The following UQCRB variants were observed in gnomAD, a reference collection of about 807,000 sequenced individuals.
The protein encoded by UQCRB is cytochrome b-c1 complex subunit 7.
A neutral mutation model predicts 19.8 loss-of-function variants in UQCRB; 12 were observed. The observed-to-expected ratio is 0.61, with a 90% CI of 0.39 to 0.98. The LOEUF (loss-of-function observed/expected upper bound fraction) is 0.98. Ranked by LOEUF, UQCRB falls within the 50% of genes least tolerant of loss-of-function variation. UQCRB has a pLI of 0.00. For missense variants in UQCRB, 142 were observed against 131.8 expected, an observed-to-expected ratio of 1.08 and a Z score of -0.38; for synonymous variants, 39 against 42.9, an observed-to-expected ratio of 0.91 and a Z score of 0.35.
rs147136722 is a variant in UQCRB at position 96,223,316 on chromosome 8, G to C, written c.*7739C>G. Among the ~76,000 whole-genome samples the C allele has an allele frequency of 6.6e-6, 1 of 152,238 alleles. No individual in the cohort carries two copies. Among genetic ancestry groups the C allele is most frequent in the East Asian group, 1.9e-4 (1 of 5,184 alleles). The stretch of plus-strand genomic sequence containing the variant: ...TAAATAAAAAAGAAAAGACAACATA[G>C]CAATTTCAAGGAAGACAGAATTTAA... On this transcript the variant is annotated 3_prime_UTR_variant, in exon 4 of 4. Transcript: ENST00000287022.
Position 96,228,284 on chromosome 8 carries a change from T to G in UQCRB, c.*2771A>C, listed in dbSNP as rs1298978839. 3 of 454,010 alleles carry G rather than the reference T, an allele frequency of 6.6e-6. No homozygotes were observed. In the Admixed American group the frequency reaches 7.0e-5, roughly 11 times the overall value. 28.1% of individuals were successfully genotyped at this position (454,010 alleles called of 1,614,324 possible). The stretch of plus-strand genomic sequence containing the variant: ...ACAAAAGATATCAAACATTTTAAAC[T>G]GTACAAAGCAAATTAGCAGGATTTG... On this transcript the variant is annotated 3_prime_UTR_variant, in exon 4 of 4. Transcript: ENST00000287022.
At position 96,223,033 on chromosome 8, in the gene UQCRB, G is replaced by T. The variant is rs910315909; in HGVS notation, c.*8022C>A. Among the ~76,000 whole-genome samples the T allele has an allele frequency of 2.0e-5, 3 of 151,226 alleles. No homozygotes were observed. In the East Asian group the frequency reaches 5.8e-4, roughly 29 times the overall value. ...GAATGGTGGTTTCCAGAGTGGGAAG[G>T]ATCAGGAAATGGGGAGAGGTAGGTC... On this transcript the variant is annotated 3_prime_UTR_variant, in exon 4 of 4. Transcript: ENST00000287022.
rs930703463 is a variant in UQCRB at position 96,226,830 on chromosome 8, T to G, written c.*4225A>C. The G allele has an allele frequency of 4.5e-6, 2 of 444,828 alleles. No homozygotes were observed. Among genetic ancestry groups the G allele is most frequent in the African/African-American group, 4.1e-5 (2 of 49,364 alleles). The allele number at this position is 444,828 out of a possible 1,614,324, so 27.6% of individuals were successfully genotyped here. ...GAATCCAGAATGACAATTTAAATAG[T>G]TTATCATAAGCCTCTGGAATATTAA... On this transcript the variant is annotated 3_prime_UTR_variant, in exon 4 of 4. Transcript: ENST00000287022.
At chr8:96,231,338 G>C in intron 3 of UQCRB, 1 of 1,548,030 alleles carries the variant, frequency 6.5e-7, no homozygotes, top group Non-Finnish European at 8.7e-7. Context: ...TTATGAGGGG[G>C]AAGTCTTTTC....
At chr8:96,231,260 A>G in intron 3 of UQCRB, 128 bp from the exon 4 acceptor site, 1 of 1,585,172 alleles carries the variant, frequency 6.3e-7, no homozygotes, top group Non-Finnish European at 8.6e-7. Context: ...CATATTCTCA[A>G]CCTAAGAACT....
rs1442267742 is a variant in UQCRB, at chr8:96,227,684, A to G, written c.*3371T>C. 2.2e-6 allele frequency: 1 copy of G among 453,894 alleles called. No homozygotes were observed. Among genetic ancestry groups the G allele is most frequent in the Non-Finnish European group, 4.4e-6 (1 of 226,662 alleles). The allele number at this position is 453,894 out of a possible 1,614,324, so 28.1% of individuals were successfully genotyped here. ...ACACACAGGATGCCCATATTTTTAA[A>G]ACTCCATCCTATTTGTGAAGGATTA... On this transcript the variant is annotated 3_prime_UTR_variant, in exon 4 of 4. Coordinates refer to ENST00000287022, the MANE Select transcript of UQCRB (RefSeq NM_006294.5).
chr8:96,224,340 A>G lies in UQCRB; in HGVS notation c.*6715T>C, dbSNP rs1480344475. Among the ~76,000 whole-genome samples, 19 of 152,158 alleles carry G rather than the reference A, an allele frequency of 1.2e-4. No homozygotes were observed. The highest frequency in any genetic ancestry group is 2.9e-5 in the Non-Finnish European group (2 of 68,020). On this transcript the variant is annotated 3_prime_UTR_variant, in exon 4 of 4. Transcript: ENST00000287022. ...TTCTTCAGAGGAACGTGGGCTGGGG[A>G]ATAAATATCTCTGTCTCTCTCATCT...
At chr8:96,234,416 G>A (rs1809751338) in intron 1 of UQCRB, 1 of 952,522 alleles carries the variant, frequency 1.0e-6, no homozygotes, top group African/African-American at 1.7e-5. Flanking sequence ...AGGGGAAGCT[G>A]GCTTACAGAA....
Position 96,231,126 on chromosome 8 carries a change from A to C in UQCRB, c.265T>G (p.Phe89Val), listed in dbSNP as rs1293479767. 6.2e-7 allele frequency: 1 copy of C among 1,614,136 alleles called. No individual in the cohort carries two copies. The highest frequency in any genetic ancestry group is 2.2e-5 in the East Asian group (1 of 44,852). Residue 89 changes from phenylalanine to valine, a missense_variant, in exon 4 of 4, where the codon TTC becomes GTC. Phe to Val is a conservative substitution (Grantham distance 50). Around this residue, in one of 2 missense-constraint regions of UQCRB, gnomAD observed 132 missense variants for 107.5 expected, o/e 1.23. Coordinates refer to ENST00000287022, the MANE Select transcript of UQCRB (RefSeq NM_006294.5). ...TCTTTCAGATACGGTTCAAGGTAGA[A>C]ATTTTCCTAAAGAATGAATGAAATA... ...EQWTKYEEEN[F>V]YLEPYLKEVI...
In UQCRB at chr8:96,230,088, A is replaced by T. The variant is rs752151227; in HGVS notation, c.*967T>A. The T allele has an allele frequency of 2.2e-6, 1 of 453,842 alleles. No homozygotes were observed. 28.1% of individuals were successfully genotyped at this position (453,842 alleles called of 1,614,324 possible). ...AATGATGACAACATTGAATAATCCT[A>T]ATTTTTTTTTTGAGACAGTCAATGT... is the stretch of plus-strand genomic sequence containing the variant. On this transcript the variant is annotated 3_prime_UTR_variant, in exon 4 of 4. Coordinates refer to ENST00000287022, the MANE Select transcript of UQCRB (RefSeq NM_006294.5).
chr8:96,231,299 G>A, intron 3 of UQCRB, 167 bp from the exon 4 acceptor site: 1 of 1,553,952 alleles, frequency 6.4e-7, no homozygotes, highest in Non-Finnish European at 8.7e-7. Flanking sequence ...CAAATCTGTG[G>A]TGATGGTGTG....
At chr8:96,235,428 A>G (rs1809787452) in intron 1 of UQCRB, 84 bp downstream of exon 1, 14 of 1,597,560 alleles carry the variant, frequency 8.8e-6, no homozygotes. Context: ...CCACTTACAA[A>G]GAAGAGAGAA....
At chr8:96,231,307 G>T (rs762963621) in intron 3 of UQCRB, 175 bp from the exon 4 acceptor site, 5 of 1,552,432 alleles carry the variant, frequency 3.2e-6, no homozygotes, top group Non-Finnish European at 4.4e-6. Context: ...TGGTGATGGT[G>T]TGATAAGTTG....
intron 1 of UQCRB, chr8:96,234,454 T>A: frequency 7.8e-7 from 1 of 1,280,066 alleles, no homozygotes; most frequent in Non-Finnish European, 1.0e-6. Context: ...CAGAGTTAGC[T>A]AATGGGAGTT....
intron 2 of UQCRB, 149 bp from the exon 3 acceptor site, chr8:96,232,089 T>G: frequency 1.3e-6 from 1 of 750,552 alleles, no homozygotes; most frequent in Non-Finnish European, 2.2e-6. Flanking sequence ...TCAATGCATT[T>G]CATACATTAT....
In UQCRB at chr8:96,226,393, C is replaced by T. The variant is rs1809526157; in HGVS notation, c.*4662G>A. 6.0e-6 allele frequency: 1 copy of T among 166,878 alleles called. No individual in the cohort carries two copies. Among genetic ancestry groups the T allele is most frequent in the Non-Finnish European group, 1.3e-5 (1 of 78,000 alleles). 10.3% of individuals were successfully genotyped at this position (166,878 alleles called of 1,614,324 possible). ...ATCACAGACCCAGAATGTTTTGGTA[C>T]TGAAATGAAAAAGACTTTTTAGTCA... is the stretch of plus-strand genomic sequence containing the variant. On this transcript the variant is annotated 3_prime_UTR_variant, in exon 4 of 4. Coordinates refer to ENST00000287022, the MANE Select transcript of UQCRB (RefSeq NM_006294.5).
chr8:96,231,605 C>G, intron 3 of UQCRB, 169 bp downstream of exon 3: 2 of 1,325,782 alleles, frequency 1.5e-6, no homozygotes, highest in Non-Finnish European at 2.1e-6. Flanking sequence ...ACACGTAAGA[C>G]TCAATGTGGT....
chr8:96,233,968 C>G (rs1370396646), intron 1 of UQCRB: 1 of 152,710 alleles, frequency 6.5e-6, no homozygotes, highest in South Asian at 2.1e-4. Flanking sequence ...GTTTGGGGAA[C>G]AGGGCTGAGC....
intron 3 of UQCRB, 60 bp from the exon 4 acceptor site, chr8:96,231,192 A>G: frequency 6.2e-7 from 1 of 1,613,888 alleles, no homozygotes; most frequent in Non-Finnish European, 8.5e-7. Flanking sequence ...CCAAACACTC[A>G]ACAGGTCTTC....
Sources: allele counts gnomAD v4.1 joint callset (sites outside exome capture counted in the v4.1 genomes callset), GRCh38; gene constraint gnomAD v4.1.1; regional missense constraint gnomAD v4.1.1; transcripts MANE v1.5; gene names NCBI Gene and HGNC (gene_info 2026-07-23, HGNC 2026-07-21).